BTG4: variants seen among roughly 807,000 people sequenced by gnomAD.
The protein encoded by BTG4 is protein BTG4.
In BTG4, 10 loss-of-function variants were observed where a neutral mutation model predicts 19.3. That is an observed-to-expected ratio of 0.52 (90% CI 0.32 to 0.88). BTG4 has a LOEUF of 0.88. BTG4 is among the 40% of genes least tolerant of loss of function. The pLI is 0.04. For synonymous variants in BTG4, 91 were observed against 95.7 expected (o/e 0.95, Z 0.29); for missense variants, 238 against 281.9 (o/e 0.84, Z 1.11).
intron 1 of BTG4, among the ~76,000 whole-genome samples, chr11:111,506,270 A>G (rs1046509803): frequency 6.6e-6 from 1 of 152,182 alleles, no homozygotes; most frequent in Non-Finnish European, 1.5e-5. Flanking sequence ...AATATGGTGT[A>G]TATATACACA....
chr11:111,507,505 A>T (rs1250550308), intron 1 of BTG4, among the ~76,000 whole-genome samples: 1 of 152,070 alleles, frequency 6.6e-6, no homozygotes, highest in East Asian at 1.9e-4. Context: ...TCCTTCATTG[A>T]CTCAATGAAT....
upstream of BTG4, chr11:111,512,455 A>G (rs1867020347): frequency 7.1e-6 from 1 of 140,696 alleles, no homozygotes; most frequent in South Asian, 2.6e-4. Context: ...GCGGGGTTCC[A>G]AGGACGGTTG....
chr11:111,398,845 C>T, the BTG4 span, among the ~76,000 whole-genome samples: 16 of 151,690 alleles, frequency 1.1e-4, no homozygotes, highest in Non-Finnish European at 1.6e-4. Context: ...ATTTCATAAA[C>T]GTATCATAAG....
the BTG4 span, chr11:111,397,829 C>T: frequency 6.6e-5 from 10 of 152,262 alleles, no homozygotes; most frequent in South Asian, 1.5e-3. Flanking sequence ...TTCTTATTTA[C>T]GGTGTTTTCA....
At chr11:111,418,642 A>G in the BTG4 span, among the ~76,000 whole-genome samples, 1 of 152,078 alleles carries the variant, frequency 6.6e-6, no homozygotes, top group Non-Finnish European at 1.5e-5. Context: ...GAGTAGAAAC[A>G]CTCTATTTAC....
the BTG4 span, among the ~76,000 whole-genome samples, chr11:111,419,212 G>A: frequency 6.6e-6 from 1 of 152,322 alleles, no homozygotes; most frequent in South Asian, 2.1e-4. Context: ...GAAGAAGGAG[G>A]CTGCACAATT....
chr11:111,447,582 A>G, the BTG4 span, among the ~76,000 whole-genome samples: 27 of 152,300 alleles, frequency 1.8e-4, no homozygotes, highest in East Asian at 5.0e-3. Context: ...ACGCATGCAC[A>G]CACACCCCAC....
intron 4 of BTG4, chr11:111,496,974 T>G (rs1318348210): frequency 4.9e-6 from 2 of 408,950 alleles, no homozygotes; most frequent in Admixed American, 4.3e-5. Context: ...AAATACTGTA[T>G]GAAGAAATAG....
the BTG4 span, among the ~76,000 whole-genome samples, chr11:111,441,571 C>T: frequency 1.0e-3 from 159 of 152,326 alleles, no homozygotes; most frequent in African/African-American, 3.6e-3. Flanking sequence ...CTTGTCTGCT[C>T]TTGGGCTGTT....
chr11:111,421,171 G>C, the BTG4 span, among the ~76,000 whole-genome samples: 8 of 152,332 alleles, frequency 5.3e-5, no homozygotes, highest in South Asian at 1.0e-3. Flanking sequence ...CTAGCTCTCA[G>C]AGAGGGCACC....
chr11:111,395,693 G>A, the BTG4 span, among the ~76,000 whole-genome samples: 1 of 152,238 alleles, frequency 6.6e-6, no homozygotes, highest in South Asian at 2.1e-4. Context: ...ATTCAGTGAA[G>A]AGGGAGCAGG....
the BTG4 span, among the ~76,000 whole-genome samples, chr11:111,442,546 C>CACACACACACA: frequency 9.0e-3 from 1,268 of 141,660 alleles, 13 homozygotes; most frequent in African/African-American, 0.017. Context: ...ACACACACAC[C>CACACACACACA]AGATGAGCCT....
chr11:111,398,299 C>T, the BTG4 span, among the ~76,000 whole-genome samples: 1 of 152,228 alleles, frequency 6.6e-6, no homozygotes, highest in African/African-American at 2.4e-5. Flanking sequence ...CTTCCAACCA[C>T]ATTACTCCAA....
In BTG4 at chr11:111,495,407, G is replaced by A. The variant is rs189494032; in HGVS notation, c.511-93C>T. 7.3e-5 allele frequency: 81 copies of A among 1,108,420 alleles called. No individual in the cohort carries two copies. In the African/African-American group the frequency reaches 1.2e-3, roughly 16 times the overall value. 68.7% of individuals were successfully genotyped at this position (1,108,420 alleles called of 1,614,324 possible). A position where few individuals can be genotyped will look rare whatever the true frequency, so the allele number is the denominator to read the frequency against. On this transcript the variant is annotated intron_variant, in intron 4 of 4. Coordinates refer to ENST00000692032, the MANE Select transcript of BTG4 (RefSeq NM_001367975.1). Reference sequence around the variant, plus strand: ...AAAAGTCAGGCACTTCAAAAGCATAGGGAGCACAAATGAATAGAATTGAAA... The same window carrying A: ...AAAAGTCAGGCACTTCAAAAGCATAAGGAGCACAAATGAATAGAATTGAAA...
At chr11:111,482,874 A>G (rs1412613403) in intron 5 of BTG4, among the ~76,000 whole-genome samples, 1 of 152,142 alleles carries the variant, frequency 6.6e-6, no homozygotes. Flanking sequence ...CTAGGCAAAA[A>G]GCTCTAAAAC....
the BTG4 span, among the ~76,000 whole-genome samples, chr11:111,423,816 C>T: frequency 7.2e-5 from 11 of 152,270 alleles, no homozygotes; most frequent in South Asian, 6.2e-4. Flanking sequence ...CACATAAAGA[C>T]CACTTTCTGG....
At chr11:111,478,533 G>C (rs529115193) in intron 5 of BTG4, among the ~76,000 whole-genome samples, 110 of 152,124 alleles carry the variant, frequency 7.2e-4, no homozygotes, top group African/African-American at 2.6e-3. Context: ...ACAACACCAA[G>C]ATGACAAAGA....
intron 1 of BTG4, among the ~76,000 whole-genome samples, chr11:111,503,717 T>C (rs772741826): frequency 9.2e-5 from 14 of 152,136 alleles, no homozygotes; most frequent in Non-Finnish European, 1.8e-4. Context: ...CTATTATGCC[T>C]GTAACAGAGA....
At chr11:111,384,191 C>T in the BTG4 span, among the ~76,000 whole-genome samples, 1 of 151,936 alleles carries the variant, frequency 6.6e-6, no homozygotes, top group African/African-American at 2.4e-5. Context: ...TTTTCCCTTC[C>T]GATTCTTCCA....
Sources: allele counts gnomAD v4.1 joint callset (sites outside exome capture counted in the v4.1 genomes callset), GRCh38; gene constraint gnomAD v4.1.1; transcripts MANE v1.5; gene names NCBI Gene and HGNC (gene_info 2026-07-23, HGNC 2026-07-21).